Variants in PRDM16 observed in about 807,000 individuals in gnomAD.
PRDM16 encodes the protein histone-lysine N-methyltransferase PRDM16.
In PRDM16, 23 loss-of-function variants were observed where a neutral mutation model predicts 110.6. The observed-to-expected ratio is 0.21, with a 90% confidence interval of 0.15 to 0.29. The LOEUF (loss-of-function observed/expected upper bound fraction) is 0.29, where lower values mean the gene tolerates loss of function less well. Ranked by LOEUF, PRDM16 falls within the 10% of genes least tolerant of loss-of-function variation. The pLI, the probability that PRDM16 is intolerant of heterozygous loss-of-function variation, is 1.00. For missense variants in PRDM16, 1,615 were observed against 1,794.3 expected (o/e 0.90, Z 1.81); for synonymous variants, 799 against 781.8 (o/e 1.02, Z -0.37).
rs770781991 is a variant in PRDM16, at chr1:3,412,234, C to T, written c.2037C>T (p.Asp679=). ...YSQHSFFPPP[D]EQLLTATGAA... is the part of the protein sequence containing the mutation. ...AGCACTCATTCTTCCCGCCACCCGA[C>T]GAGCAGCTGCTGACTGCAACGGGCG... Residue 679 remains aspartate, a synonymous_variant, in exon 9 of 17, where the codon GAC becomes GAT. Transcript: ENST00000270722. 21 of 1,609,186 alleles carry T rather than the reference C, an allele frequency of 1.3e-5. No individual in the cohort carries two copies. In the African/African-American group the frequency reaches 1.9e-4, roughly 14 times the overall value.
chr1:3,368,196 T>C (rs1642848915), intron 3 of PRDM16, among the ~76,000 whole-genome samples: 1 of 152,218 alleles, frequency 6.6e-6, no homozygotes, highest in African/African-American at 2.4e-5. Flanking sequence ...CGCCCGTGGC[T>C]GACGCAGGCA....
At chr1:3,330,827 C>G (rs1410337643) in intron 3 of PRDM16, among the ~76,000 whole-genome samples, 2 of 152,244 alleles carry the variant, frequency 1.3e-5, no homozygotes, top group African/African-American at 4.8e-5. Context: ...GCCCCTGGTT[C>G]ATACAGGCCC....
At chr1:3,077,974 T>G (rs1461592475) in intron 1 of PRDM16, among the ~76,000 whole-genome samples, 2 of 152,232 alleles carry the variant, frequency 1.3e-5, no homozygotes, top group Non-Finnish European at 2.9e-5. Flanking sequence ...TTCTGGCCCC[T>G]GCCACATGCA....
chr1:3,396,775 C>T lies in PRDM16; in HGVS notation c.676+182C>T, dbSNP rs184816847. 1.4e-3 allele frequency among the ~76,000 whole-genome samples: 211 copies of T among 152,304 alleles called. 1 individual carries two copies. Among genetic ancestry groups the T allele is most frequent in the Middle Eastern group, 6.8e-3 (2 of 294 alleles). ...AGACCTCAGGCCAGCAGAAATTGCC[C>T]GCCTCCACAAAGGCTCAACCTAATG... On this transcript the variant is annotated intron_variant, in intron 5 of 16. Transcript: ENST00000270722.
chr1:3,413,638 C>T (rs1332737317), intron 9 of PRDM16, among the ~76,000 whole-genome samples: 1 of 152,182 alleles, frequency 6.6e-6, no homozygotes, highest in Non-Finnish European at 1.5e-5. Flanking sequence ...CAAAAGCGGC[C>T]AGTCATAGAC....
At chr1:3,394,154 G>A (rs992830880) in intron 4 of PRDM16, among the ~76,000 whole-genome samples, 2 of 152,104 alleles carry the variant, frequency 1.3e-5, no homozygotes, top group African/African-American at 4.8e-5. Context: ...CCGCAGCGCC[G>A]CGGATCAGAG....
rs544334898 is a variant in PRDM16, at chr1:3,089,778, C to T, written c.37+20482C>T. ...GCATCCCGAGGCCGGGTCTCCCACC[C>T]GCACCAGGGATGTTCCATTTGATTT... On this transcript the variant is annotated intron_variant, in intron 1 of 16. Transcript: ENST00000270722. 2.2e-3 allele frequency among the ~76,000 whole-genome samples: 333 copies of T among 152,328 alleles called. 5 individuals are homozygous for T. The highest frequency in any genetic ancestry group is 2.1e-4 in the Non-Finnish European group (14 of 68,044).
chr1:3,143,399 G>A lies in PRDM16; in HGVS notation c.38-42726G>A, dbSNP rs1253284043. 6.6e-6 allele frequency among the ~76,000 whole-genome samples: 1 copy of A among 152,192 alleles called. No individual in the cohort carries two copies. Among genetic ancestry groups the A allele is most frequent in the East Asian group, 1.9e-4 (1 of 5,194 alleles). Reference sequence around the variant, plus strand: ...TCCCAGCAGGTGGCCTCCCCAACTTGAGCTGGGTTCATTTCCTCTCTCCAC... The same window carrying A: ...TCCCAGCAGGTGGCCTCCCCAACTTAAGCTGGGTTCATTTCCTCTCTCCAC... On this transcript the variant is annotated intron_variant, in intron 1 of 16. Coordinates refer to ENST00000270722, the MANE Select transcript of PRDM16 (RefSeq NM_022114.4). The surrounding 1 kb of genome is among the most constrained non-coding windows in gnomAD (Gnocchi z 4.5).
intron 3 of PRDM16, among the ~76,000 whole-genome samples, chr1:3,332,659 C>T (rs1389421632): frequency 2.0e-5 from 3 of 152,112 alleles, no homozygotes; most frequent in Non-Finnish European, 4.4e-5. Context: ...GTTGTGCAAA[C>T]ACCACTTCTG....
At chr1:3,320,731 A>G (rs1004153169) in intron 3 of PRDM16, among the ~76,000 whole-genome samples, 14 of 152,102 alleles carry the variant, frequency 9.2e-5, no homozygotes, top group Admixed American at 7.2e-4. Flanking sequence ...AAGTTCTTTG[A>G]TCTCCATCGA....
chr1:3,262,308 G>GACT (rs1640181087), intron 3 of PRDM16, among the ~76,000 whole-genome samples: 1 of 152,196 alleles, frequency 6.6e-6, no homozygotes, highest in Admixed American at 6.5e-5. Flanking sequence ...TTCCCCCAGG[G>GACT]ACTCCACATT....
intron 2 of PRDM16, among the ~76,000 whole-genome samples, chr1:3,193,676 C>T (rs1352340178): frequency 6.6e-6 from 1 of 152,176 alleles, no homozygotes; most frequent in African/African-American, 2.4e-5. Context: ...GAGGTGCAAG[C>T]CCCTGCCCCC....
At position 3,157,098 on chromosome 1, in the gene PRDM16, A is replaced by G. The variant is rs1643865014; in HGVS notation, c.38-29027A>G. On this transcript the variant is annotated intron_variant, in intron 1 of 16. Coordinates refer to ENST00000270722, the MANE Select transcript of PRDM16 (RefSeq NM_022114.4). The surrounding 1 kb of genome is among the most constrained non-coding windows in gnomAD (Gnocchi z 4.8). Reference sequence around the variant, plus strand: ...ACCAGCCGTGGCTGCCCAGTCGCCCAGATGGTGGTCCCAGGGCAGGGAGTG... The same window carrying G: ...ACCAGCCGTGGCTGCCCAGTCGCCCGGATGGTGGTCCCAGGGCAGGGAGTG... Among the ~76,000 whole-genome samples, 1 of 152,202 alleles carries G rather than the reference A, an allele frequency of 6.6e-6. No homozygotes were observed. The highest frequency in any genetic ancestry group is 2.4e-5 in the African/African-American group (1 of 41,452).
At chr1:3,128,240 C>T (rs184380625) in intron 1 of PRDM16, among the ~76,000 whole-genome samples, 7 of 152,302 alleles carry the variant, frequency 4.6e-5, no homozygotes, top group Non-Finnish European at 8.8e-5. Context: ...AAAGACCTCA[C>T]GTTTGACGGG....
intron 2 of PRDM16, among the ~76,000 whole-genome samples, chr1:3,200,196 A>T (rs1638583777): frequency 6.6e-6 from 1 of 151,858 alleles, no homozygotes; most frequent in Admixed American, 6.6e-5. Context: ...CCGCTGAGTC[A>T]AGGGCCTGGG....
At position 3,291,154 on chromosome 1, in the gene PRDM16, C is replaced by T. The variant is rs914228107; in HGVS notation, c.438+47017C>T. Among the ~76,000 whole-genome samples the T allele has an allele frequency of 5.3e-5, 8 of 152,108 alleles. No individual in the cohort carries two copies. The East Asian group carries it at 5.8e-4, about 11-fold the overall frequency. ...TCATGAGGCAGGGCGTGGACCAGGA[C>T]GATGCACAGCTGAGAGCAGCCCACA... On this transcript the variant is annotated intron_variant, in intron 3 of 16. Transcript: ENST00000270722.
intron 3 of PRDM16, among the ~76,000 whole-genome samples, chr1:3,262,921 G>T (rs1557565483): frequency 6.6e-6 from 1 of 152,202 alleles, no homozygotes; most frequent in African/African-American, 2.4e-5. Flanking sequence ...GTGCTGGGAG[G>T]TGCAGGTGAC....
intron 1 of PRDM16, among the ~76,000 whole-genome samples, chr1:3,165,562 A>AGGGCTCAGGGACAGGGACTCACCT (rs1643944081): frequency 7.7e-5 from 1 of 13,044 alleles, no homozygotes; most frequent in African/African-American, 6.7e-4. Flanking sequence ...GGGACTCACC[A>AGGGCTCAGGGACAGGGACTCACCT]GGGCTCAGGG....
At chr1:3,258,294 T>A (rs114686766) in intron 3 of PRDM16, among the ~76,000 whole-genome samples, 1 of 152,198 alleles carries the variant, frequency 6.6e-6, no homozygotes, top group African/African-American at 2.4e-5. Context: ...GGGGGGATAT[T>A]GTGAGGATAA....
Sources: allele counts gnomAD v4.1 joint callset (sites outside exome capture counted in the v4.1 genomes callset), GRCh38; gene constraint gnomAD v4.1.1; non-coding constraint Gnocchi (gnomAD v3.1); transcripts MANE v1.5; gene names NCBI Gene and HGNC (gene_info 2026-07-23, HGNC 2026-07-21).